The following CDK14 variants were observed in gnomAD, a reference collection of about 807,000 sequenced individuals.
The protein encoded by CDK14 is cyclin dependent kinase 14, also known as cyclin-dependent kinase 14.
In CDK14, 34 loss-of-function variants were observed where a neutral mutation model predicts 60.7. That is an observed-to-expected ratio of 0.56 (90% confidence interval 0.43 to 0.75). The LOEUF (loss-of-function observed/expected upper bound fraction) is 0.75. Ranked by LOEUF, CDK14 falls within the 30% of genes least tolerant of loss-of-function variation. CDK14 has a pLI of 0.00. For synonymous variants in CDK14, 197 were observed against 203.7 expected, an observed-to-expected ratio of 0.97 and a Z score of 0.28; for missense variants, 482 against 564.1, an observed-to-expected ratio of 0.85 and a Z score of 1.47.
rs112016367 is a variant in CDK14, at chr7:91,096,065, C to CAAAAAAAAA, written c.1155-16462_1155-16454dup. 1.2e-4 allele frequency among the ~76,000 whole-genome samples: 8 copies of CAAAAAAAAA among 64,558 alleles called. 1 individual carries two copies. The highest frequency in any genetic ancestry group is 1.9e-4 in the Non-Finnish European group (7 of 37,610). 42.4% of individuals were successfully genotyped at this position (64,558 alleles called of 152,430 possible). On this transcript the variant is annotated intron_variant, in intron 12 of 14. Coordinates refer to ENST00000380050, the MANE Select transcript of CDK14 (RefSeq NM_001287135.2). ...ATTTATCTATATTACCACAATTTGCCAAAAAAAAAAAAAAAAAAAAAAACA... is the reference window on the plus strand; with the variant it reads ...ATTTATCTATATTACCACAATTTGCCAAAAAAAAAAAAAAAAAAAAAAAAAAAAAAAACA...
At chr7:91,002,543 A>G (rs1212790968) in intron 10 of CDK14, among the ~76,000 whole-genome samples, 3 of 152,334 alleles carry the variant, frequency 2.0e-5, no homozygotes, top group Middle Eastern at 3.4e-3. Context: ...TACTAAAACT[A>G]AGTATTCATA....
intron 14 of CDK14, among the ~76,000 whole-genome samples, chr7:91,155,176 A>C (rs1800948721): frequency 6.6e-6 from 1 of 152,188 alleles, no homozygotes; most frequent in South Asian, 2.1e-4. Flanking sequence ...AGAGAGAAGG[A>C]ACAGCAGGAA....
chr7:90,856,416 G>A (rs3802032), intron 5 of CDK14, among the ~76,000 whole-genome samples: 10,290 of 152,110 alleles, frequency 0.068, 436 homozygotes, highest in East Asian at 0.18. Flanking sequence ...TGTGTGGAGT[G>A]TTTATTGTAT....
At chr7:90,969,653 T>A (rs1024156283) in intron 9 of CDK14, among the ~76,000 whole-genome samples, 1 of 152,208 alleles carries the variant, frequency 6.6e-6, no homozygotes, top group African/African-American at 2.4e-5. Flanking sequence ...TGGACTATGC[T>A]TATTCCTTAG....
At chr7:90,966,055 AG>A (rs1425072157) in intron 9 of CDK14, among the ~76,000 whole-genome samples, 1 of 152,120 alleles carries the variant, frequency 6.6e-6, no homozygotes, top group Non-Finnish European at 1.5e-5. Context: ...AACGTGTTTT[AG>A]CTCTTAGAAA....
intron 14 of CDK14, among the ~76,000 whole-genome samples, chr7:91,128,626 TG>T (rs1313175238): frequency 6.6e-6 from 1 of 152,086 alleles, no homozygotes; most frequent in East Asian, 1.9e-4. Flanking sequence ...ATAAAATAAT[TG>T]GGTATAGTTG....
At chr7:90,948,629 G>A (rs557032540) in intron 8 of CDK14, among the ~76,000 whole-genome samples, 1 of 152,206 alleles carries the variant, frequency 6.6e-6, no homozygotes. Context: ...CAGCTCAGCT[G>A]TTTAGTGCAT....
At chr7:91,068,746 G>A (rs1035325292) in intron 11 of CDK14, among the ~76,000 whole-genome samples, 6 of 139,970 alleles carry the variant, frequency 4.3e-5, no homozygotes, top group African/African-American at 1.6e-4. Flanking sequence ...TGGGCTCCCT[G>A]CTTCCAACCT....
chr7:90,624,153 G>GGCCA (rs1430609549), intron 2 of CDK14, among the ~76,000 whole-genome samples: 1 of 152,090 alleles, frequency 6.6e-6, no homozygotes, highest in East Asian at 1.9e-4. Flanking sequence ...CTGTTCCCCA[G>GGCCA]GCCACAGTCT....
intron 2 of CDK14, among the ~76,000 whole-genome samples, chr7:90,683,091 C>T (rs1213748574): frequency 6.6e-6 from 1 of 152,106 alleles, no homozygotes; most frequent in African/African-American, 2.4e-5. Context: ...ATGCCTTGCT[C>T]CTCATTAAAA....
At chr7:90,866,562 T>C (rs1489733248) in intron 6 of CDK14, among the ~76,000 whole-genome samples, 1 of 152,202 alleles carries the variant, frequency 6.6e-6, no homozygotes, top group Non-Finnish European at 1.5e-5. Context: ...TTCCTTTTGA[T>C]TTCACAATGA....
At chr7:90,906,535 C>A (rs1792711254) in intron 7 of CDK14, among the ~76,000 whole-genome samples, 1 of 151,598 alleles carries the variant, frequency 6.6e-6, no homozygotes, top group South Asian at 2.1e-4. Flanking sequence ...GCAATTTTGA[C>A]TTTTAGTTTC....
At chr7:90,828,165 A>G (rs1297234656) in intron 5 of CDK14, among the ~76,000 whole-genome samples, 1 of 152,206 alleles carries the variant, frequency 6.6e-6, no homozygotes, top group African/African-American at 2.4e-5. Context: ...TTAAAACTAA[A>G]TATTTCCAGA....
intron 2 of CDK14, among the ~76,000 whole-genome samples, chr7:90,607,493 C>G (rs1396140427): frequency 6.6e-6 from 1 of 152,092 alleles, no homozygotes; most frequent in South Asian, 2.1e-4. Flanking sequence ...TGACCTTGAA[C>G]ACAGCAGAAA....
At chr7:90,754,908 C>T (rs529004800) in intron 4 of CDK14, among the ~76,000 whole-genome samples, 4 of 152,122 alleles carry the variant, frequency 2.6e-5, no homozygotes, top group South Asian at 2.1e-4. Flanking sequence ...AAATCAAAAC[C>T]GTAATGAGAT....
chr7:90,825,152 TA>T (rs1443181851), intron 5 of CDK14, among the ~76,000 whole-genome samples: 1 of 152,188 alleles, frequency 6.6e-6, no homozygotes, highest in East Asian at 1.9e-4. Flanking sequence ...AACTAAAGCT[TA>T]TGTGCATAGC....
intron 2 of CDK14, among the ~76,000 whole-genome samples, chr7:90,698,307 A>G (rs1801709415): frequency 6.6e-6 from 1 of 152,102 alleles, no homozygotes; most frequent in Non-Finnish European, 1.5e-5. Context: ...AATGAATTCT[A>G]CCTATAAATT....
At chr7:90,797,673 G>C (rs1312994431) in intron 5 of CDK14, among the ~76,000 whole-genome samples, 2 of 151,932 alleles carry the variant, frequency 1.3e-5, no homozygotes, top group Non-Finnish European at 2.9e-5. Flanking sequence ...AGCATCTTCT[G>C]GAGAGGCCTC....
At chr7:91,009,292 CCAGTTTTGTTGT>C (rs1347502510) in intron 10 of CDK14, among the ~76,000 whole-genome samples, 1 of 151,950 alleles carries the variant, frequency 6.6e-6, no homozygotes, top group Non-Finnish European at 1.5e-5. Context: ...ATTTTAGTTT[CCAGTTTTGTTGT>C]ACCTTTCTAT....
Sources: allele counts gnomAD v4.1 joint callset (sites outside exome capture counted in the v4.1 genomes callset), GRCh38; gene constraint gnomAD v4.1.1; transcripts MANE v1.5; gene names NCBI Gene and HGNC (gene_info 2026-07-23, HGNC 2026-07-21).